Variants in PBX1 observed in about 807,000 individuals in gnomAD.
The protein encoded by PBX1 is PBX homeobox 1, also known as pre-B-cell leukemia transcription factor 1.
A neutral mutation model predicts 53.4 loss-of-function variants in PBX1; 6 were observed. The ratio of observed to expected loss-of-function variants is 0.11; its 90% CI spans 0.06 to 0.22. The LOEUF is 0.22. Ranked by LOEUF, PBX1 falls within the 10% of genes least tolerant of loss-of-function variation. PBX1 has a pLI of 1.00. For synonymous variants in PBX1, 204 were observed against 212.3 expected (o/e 0.96, Z 0.34); for missense variants, 251 against 551.4 (o/e 0.46, Z 5.46).
rs1278124731 is a variant in PBX1, at chr1:164,850,990, T to G, written c.*4314T>G. On this transcript the variant is annotated 3_prime_UTR_variant, in exon 9 of 9. Transcript: ENST00000420696. ...GGTATGATGGGCACCATTGGTTAAG[T>G]AAACTACATGCAGGAAGAAGTCCTT... 9.1e-6 allele frequency: 2 copies of G among 220,422 alleles called. No homozygotes were observed. The highest frequency in any genetic ancestry group is 1.3e-4 in the East Asian group (2 of 15,184). 13.7% of individuals were successfully genotyped at this position (220,422 alleles called of 1,614,324 possible). A position where few individuals can be genotyped will look rare whatever the true frequency, so the allele number is the denominator to read the frequency against.
intron 2 of PBX1, among the ~76,000 whole-genome samples, chr1:164,611,914 C>T (rs542509901): frequency 7.9e-5 from 12 of 152,288 alleles, no homozygotes; most frequent in Admixed American, 2.6e-4. Flanking sequence ...ACAATGCCCT[C>T]CTTTCTTCTC....
intron 2 of PBX1, among the ~76,000 whole-genome samples, chr1:164,727,881 T>C (rs1368270299): frequency 2.0e-5 from 3 of 152,164 alleles, no homozygotes; most frequent in African/African-American, 7.2e-5. Context: ...GAGTGGGAGG[T>C]TCTTAACCTC....
intron 2 of PBX1, among the ~76,000 whole-genome samples, chr1:164,705,127 G>A (rs1014705680): frequency 3.9e-5 from 6 of 152,124 alleles, no homozygotes; most frequent in Admixed American, 2.0e-4. Flanking sequence ...AAGCTGTTTA[G>A]CTGCATTCCT....
intron 8 of PBX1, among the ~76,000 whole-genome samples, chr1:164,834,515 T>A (rs920739461): frequency 1.1e-4 from 16 of 152,082 alleles, no homozygotes; most frequent in Non-Finnish European, 1.6e-4. Context: ...GGCTAATTTT[T>A]GTATTTTTTA....
At chr1:164,586,941 G>T (rs1401945872) in intron 2 of PBX1, among the ~76,000 whole-genome samples, 1 of 152,094 alleles carries the variant, frequency 6.6e-6, no homozygotes. Context: ...AGTCCACCAG[G>T]ATTTTATATG....
rs574230622 is a variant in PBX1, at chr1:164,688,550, C to G, written c.266-103944C>G. Among the ~76,000 whole-genome samples the G allele has an allele frequency of 5.8e-4, 88 of 152,282 alleles. 1 individual carries two copies. The highest frequency in any genetic ancestry group is 3.4e-3 in the Middle Eastern group (1 of 294). On this transcript the variant is annotated intron_variant, in intron 2 of 8. Transcript: ENST00000420696. ...CCTTTGCAAGATGGAAAGTCTGCCACATACATTTCTAGCGAGCCATGAGGT... is the reference window on the plus strand; with the variant it reads ...CCTTTGCAAGATGGAAAGTCTGCCAGATACATTTCTAGCGAGCCATGAGGT...
At chr1:164,562,778 C>G (rs1653155311) in intron 1 of PBX1, 1 of 152,360 alleles carries the variant, frequency 6.6e-6, no homozygotes, top group East Asian at 1.9e-4. Context: ...ACAGGGGCAT[C>G]TGCGGAATGA....
chr1:164,846,739 G>T lies in PBX1; in HGVS notation c.*63G>T, dbSNP rs1256723308. 6.2e-7 allele frequency: 1 copy of T among 1,612,900 alleles called. No homozygotes were observed. The highest frequency in any genetic ancestry group is 8.5e-7 in the Non-Finnish European group (1 of 1,179,686). ...AGTTGGGGCAGGGGCAGGAGGGAGG[G>T]TTTCTCTCCCAACGCTGAAGCGGTC... is the stretch of plus-strand genomic sequence containing the variant. On this transcript the variant is annotated 3_prime_UTR_variant, in exon 9 of 9. Coordinates refer to ENST00000420696, the MANE Select transcript of PBX1 (RefSeq NM_002585.4).
intron 2 of PBX1, among the ~76,000 whole-genome samples, chr1:164,628,715 T>A (rs543132430): frequency 6.6e-6 from 1 of 152,296 alleles, no homozygotes; most frequent in South Asian, 2.1e-4. Context: ...TTTATATCTG[T>A]ATCTCTCTCT....
intron 2 of PBX1, among the ~76,000 whole-genome samples, chr1:164,677,445 AG>A (rs752490947): frequency 2.6e-5 from 4 of 152,118 alleles, no homozygotes; most frequent in Non-Finnish European, 4.4e-5. Flanking sequence ...ACAATTTTGA[AG>A]GTGCTGTGGG....
At chr1:164,638,601 A>G (rs543280384) in intron 2 of PBX1, among the ~76,000 whole-genome samples, 24 of 152,268 alleles carry the variant, frequency 1.6e-4, no homozygotes, top group South Asian at 1.0e-3. Flanking sequence ...CACTCACACC[A>G]TGGGTGAAAA....
At chr1:164,635,330 G>A (rs896730564) in intron 2 of PBX1, among the ~76,000 whole-genome samples, 1 of 152,016 alleles carries the variant, frequency 6.6e-6, no homozygotes, top group East Asian at 1.9e-4. Flanking sequence ...GGGGGGCGAG[G>A]GGGGAGGGAG....
intron 2 of PBX1, among the ~76,000 whole-genome samples, chr1:164,724,447 C>G (rs991783334): frequency 6.6e-6 from 1 of 152,120 alleles, no homozygotes; most frequent in African/African-American, 2.4e-5. Context: ...TAAAAATACA[C>G]TAACACTAAC....
At position 164,662,536 on chromosome 1, in the gene PBX1, A is replaced by G. The variant is rs561537895; in HGVS notation, c.265+99225A>G. On this transcript the variant is annotated intron_variant, in intron 2 of 8. Transcript: ENST00000420696. The stretch of plus-strand genomic sequence containing the variant: ...AGTCAGTTGTGATGGTCTGATGTCA[A>G]TTCCTGTTGGTTCAGGGTCCGAGGA... Among the ~76,000 whole-genome samples, 4 of 152,168 alleles carry G rather than the reference A, an allele frequency of 2.6e-5. No homozygotes were observed. In the South Asian group the frequency reaches 6.2e-4, roughly 24 times the overall value.
chr1:164,591,528 A>G (rs975066960), intron 2 of PBX1, among the ~76,000 whole-genome samples: 1 of 152,180 alleles, frequency 6.6e-6, no homozygotes, highest in Admixed American at 6.6e-5. Context: ...TAAGAGAGTA[A>G]ACTTTTCAGA....
chr1:164,822,974 C>T (rs932767981), intron 8 of PBX1, among the ~76,000 whole-genome samples: 2 of 152,106 alleles, frequency 1.3e-5, no homozygotes, highest in Non-Finnish European at 2.9e-5. Context: ...AGTCAGGCAG[C>T]AGATTTTGAT....
chr1:164,804,549 A>G (rs1669243199), intron 4 of PBX1, among the ~76,000 whole-genome samples: 1 of 152,236 alleles, frequency 6.6e-6, no homozygotes, highest in South Asian at 2.1e-4. Flanking sequence ...TGTATTGGAC[A>G]GCAGAGATAT....
At chr1:164,757,954 T>G (rs1666617941) in intron 2 of PBX1, among the ~76,000 whole-genome samples, 1 of 152,216 alleles carries the variant, frequency 6.6e-6, no homozygotes, top group African/African-American at 2.4e-5. Context: ...TTTAGTTTTA[T>G]AATTTAAAAT....
At chr1:164,798,990 G>A (rs1052855017) in intron 3 of PBX1, among the ~76,000 whole-genome samples, 3 of 152,154 alleles carry the variant, frequency 2.0e-5, no homozygotes. Context: ...GTATTTGGAA[G>A]TACTCCTATA....
Sources: allele counts gnomAD v4.1 joint callset (sites outside exome capture counted in the v4.1 genomes callset), GRCh38; gene constraint gnomAD v4.1.1; transcripts MANE v1.5; gene names NCBI Gene and HGNC (gene_info 2026-07-23, HGNC 2026-07-21).